Variants in SLC38A10 observed in about 807,000 individuals in gnomAD.
SLC38A10 encodes solute carrier family 38 member 10, also known as Sodium-coupled neutral amino acid transporter 10.
SLC38A10 carries 53 observed loss-of-function variants against 81.0 expected under a neutral mutation model. The observed-to-expected ratio is 0.65, with a 90% CI of 0.53 to 0.82. SLC38A10 has a LOEUF of 0.82. SLC38A10 is among the 40% of genes least tolerant of loss of function. SLC38A10 has a pLI of 0.00. For missense variants in SLC38A10, 1,471 were observed against 1,545.0 expected (o/e 0.95, Z 0.80); for synonymous variants, 665 against 655.3 (o/e 1.01, Z -0.23).
intron 2 of SLC38A10, 200 bp from the exon 3 acceptor site, chr17:81,285,095 G>A (rs2063251748): frequency 4.3e-6 from 2 of 466,542 alleles, no homozygotes; most frequent in Middle Eastern, 3.7e-4. Flanking sequence ...AAGAAACAAA[G>A]ACAGAGCAAG....
At chr17:81,267,959 AGGG>A (rs1201716720) in intron 10 of SLC38A10, among the ~76,000 whole-genome samples, 1 of 151,534 alleles carries the variant, frequency 6.6e-6, no homozygotes, top group Non-Finnish European at 1.5e-5. Context: ...AGCAAGAATG[AGGG>A]CGCTCCAGCA....
rs991540091 is a variant in SLC38A10 at position 81,245,601 on chromosome 17, G to A, written c.3315C>T (p.His1105=). ...CAGGCGCCTGTCTAAGCTGCCGGCT[G>A]TGGACCACCTGCAGAGCTCCCCCCG... The part of the protein sequence containing the change: ...QAAGGALQVV[H]SRQLRQAPGP... Residue 1105 remains histidine (H), a synonymous_variant, in exon 16 of 16, where the codon CAC becomes CAT. Transcript: ENST00000374759. 6 of 1,611,794 alleles carry A rather than the reference G, an allele frequency of 3.7e-6. No homozygotes were observed. In the African/African-American group the frequency reaches 6.7e-5, roughly 18 times the overall value.
intron 2 of SLC38A10, chr17:81,285,515 C>G (rs929636429): frequency 2.0e-5 from 3 of 152,334 alleles, no homozygotes; most frequent in African/African-American, 7.2e-5. Flanking sequence ...ACGGGGCGGC[C>G]GAATGCGGAA....
rs1288628339 is a variant in SLC38A10, at chr17:81,295,248, G to C, written c.-327C>G. ...CTCCGAGCCCAGACCCGGAAGAGCC[G>C]CAGAGCCAGCTAGGGACACCTCAGC... On this transcript the variant is annotated 5_prime_UTR_variant, in exon 1 of 16. Coordinates refer to ENST00000374759, the MANE Select transcript of SLC38A10 (RefSeq NM_001037984.3). 1 of 165,194 alleles carries C rather than the reference G, an allele frequency of 6.1e-6. No individual in the cohort carries two copies. The highest frequency in any genetic ancestry group is 1.3e-5 in the Non-Finnish European group (1 of 76,318). 10.2% of individuals were successfully genotyped at this position (165,194 alleles called of 1,614,324 possible).
chr17:81,250,021 G>C, intron 14 of SLC38A10: 1 of 1,282,740 alleles, frequency 7.8e-7, no homozygotes, highest in Non-Finnish European at 1.0e-6. Flanking sequence ...TCAGGTCTGT[G>C]GCCCGCCAGA....
intron 1 of SLC38A10, among the ~76,000 whole-genome samples, chr17:81,294,014 TTTTTTG>T (rs1567952362): frequency 6.6e-6 from 1 of 151,982 alleles, no homozygotes; most frequent in Non-Finnish European, 1.5e-5. Flanking sequence ...AAATGTGCAG[TTTTTTG>T]TTTTTGTTTT....
chr17:81,285,900 G>A (rs1188867169), intron 2 of SLC38A10, among the ~76,000 whole-genome samples: 1 of 152,148 alleles, frequency 6.6e-6, no homozygotes, highest in Admixed American at 6.5e-5. Flanking sequence ...GTTGCCAAAC[G>A]CCAGAGCCCG....
Position 81,244,931 on chromosome 17 carries a change from C to T in SLC38A10, c.*625G>A, listed in dbSNP as rs2062834882. The T allele has an allele frequency of 6.1e-6, 1 of 164,626 alleles. No individual in the cohort carries two copies. The allele number at this position is 164,626 out of a possible 1,614,324, so 10.2% of individuals were successfully genotyped here. ...GCAAAGGGCGGCACCGGCCAGTGCCCCTGGACACCCGGCTTGTCTGGCCCC... is the reference window on the plus strand; with the variant it reads ...GCAAAGGGCGGCACCGGCCAGTGCCTCTGGACACCCGGCTTGTCTGGCCCC... On this transcript the variant is annotated 3_prime_UTR_variant, in exon 16 of 16. Coordinates refer to ENST00000374759, the MANE Select transcript of SLC38A10 (RefSeq NM_001037984.3).
chr17:81,275,509 G>A lies in SLC38A10; in HGVS notation c.912+460C>T, dbSNP rs955219313. Among the ~76,000 whole-genome samples, 175 of 151,928 alleles carry A rather than the reference G, an allele frequency of 1.2e-3. 2 individuals carry two copies. Among genetic ancestry groups the A allele is most frequent in the Non-Finnish European group, 2.0e-3 (134 of 67,954 alleles). On this transcript the variant is annotated intron_variant, in intron 8 of 15. Transcript: ENST00000374759. ...AGCACTTTGGGAGGCCGAGACGGGCGGATCACGAGGTCAGGAGATCGAGAC... is the reference window on the plus strand; with the variant it reads ...AGCACTTTGGGAGGCCGAGACGGGCAGATCACGAGGTCAGGAGATCGAGAC...
In SLC38A10 at chr17:81,277,183, C is replaced by T. The variant is rs1369970083; in HGVS notation, c.627-50G>A. 2 of 1,550,596 alleles carry T rather than the reference C, an allele frequency of 1.3e-6. No homozygotes were observed. Among genetic ancestry groups the T allele is most frequent in the Non-Finnish European group, 1.8e-6 (2 of 1,125,834 alleles). ...AGCGGACCTGAGAGAGGCACGCCCT[C>T]CCCAGCGGCTCCACTTCTAGGACCT... is the stretch of plus-strand genomic sequence containing the variant. On this transcript the variant is annotated intron_variant, in intron 6 of 15. Transcript: ENST00000374759. This position sits in a 1 kb window ranked among gnomAD's most constrained non-coding sequence, Gnocchi z 4.5.
At position 81,289,613 on chromosome 17, in the gene SLC38A10, G is replaced by A. The variant is rs2063293984; in HGVS notation, c.217+78C>T. ...CAAGGAATTCTTGAAGAATCAAGTA[G>A]AGTAAATAAATAAATAAATAAATGG... is the stretch of plus-strand genomic sequence containing the variant. On this transcript the variant is annotated intron_variant, in intron 2 of 15. Coordinates refer to ENST00000374759, the MANE Select transcript of SLC38A10 (RefSeq NM_001037984.3). This position sits in a 1 kb window ranked among gnomAD's most constrained non-coding sequence, Gnocchi z 5.9. 1 of 951,884 alleles carries A rather than the reference G, an allele frequency of 1.1e-6. No homozygotes were observed. Among genetic ancestry groups the A allele is most frequent in the Non-Finnish European group, 1.5e-6 (1 of 674,212 alleles). 59.0% of individuals were successfully genotyped at this position (951,884 alleles called of 1,614,324 possible).
intron 3 of SLC38A10, among the ~76,000 whole-genome samples, chr17:81,284,399 A>G (rs2063244500): frequency 6.6e-6 from 1 of 152,194 alleles, no homozygotes; most frequent in Admixed American, 6.5e-5. Context: ...TCAAGTTAAG[A>G]GAACAATCAA....
Position 81,246,615 on chromosome 17 carries a change from G to A in SLC38A10, c.2301C>T (p.Gly767=). 1.3e-6 allele frequency: 2 copies of A among 1,515,306 alleles called. No homozygotes were observed. The highest frequency in any genetic ancestry group is 1.8e-6 in the Non-Finnish European group (2 of 1,134,690). 93.9% of individuals were successfully genotyped at this position (1,515,306 alleles called of 1,614,324 possible). A position where few individuals can be genotyped will look rare whatever the true frequency, so the allele number is the denominator to read the frequency against. ...GATTCTCCACCGTCTCCCTGGCCTT[G>A]CCTTCAGGGGCCTCCTGGCCTCTGG... ...AVPRGQEAPE[G]KARETVENLP... The change falls in exon 16 of 16, where the codon GGC becomes GGT. Residue 767 remains glycine (G), a synonymous_variant. Transcript: ENST00000374759.
In SLC38A10 at chr17:81,289,615, G is replaced by GTAAA. The variant is rs989245564; in HGVS notation, c.217+72_217+75dup. 16 of 982,730 alleles carry GTAAA rather than the reference G, an allele frequency of 1.6e-5. No homozygotes were observed. Among genetic ancestry groups the GTAAA allele is most frequent in the East Asian group, 5.8e-5 (2 of 34,224 alleles). The allele number at this position is 982,730 out of a possible 1,614,324, so 60.9% of individuals were successfully genotyped here. The stretch of plus-strand genomic sequence containing the variant: ...AGGAATTCTTGAAGAATCAAGTAGA[G>GTAAA]TAAATAAATAAATAAATAAATGGAA... On this transcript the variant is annotated intron_variant, in intron 2 of 15. Coordinates refer to ENST00000374759, the MANE Select transcript of SLC38A10 (RefSeq NM_001037984.3). The surrounding 1 kb of genome is among the most constrained non-coding windows in gnomAD (Gnocchi z 5.9).
At chr17:81,294,053 G>A (rs891346131) in intron 1 of SLC38A10, among the ~76,000 whole-genome samples, 1 of 152,084 alleles carries the variant, frequency 6.6e-6, no homozygotes, top group Admixed American at 6.5e-5. Context: ...TCCCTCTGTC[G>A]CCCAGGCTGG....
At chr17:81,280,921 C>T (rs941189941) in intron 5 of SLC38A10, among the ~76,000 whole-genome samples, 188 bp from the exon 6 acceptor site, 3 of 151,486 alleles carry the variant, frequency 2.0e-5, no homozygotes, top group Non-Finnish European at 4.4e-5. Context: ...GGAGACCCCG[C>T]GCCTTTCTGG....
At chr17:81,251,788 AT>A (rs1598379896) in intron 13 of SLC38A10, 176 bp from the exon 14 acceptor site, 1 of 671,126 alleles carries the variant, frequency 1.5e-6, no homozygotes, top group Non-Finnish European at 2.2e-6. Context: ...CAATAAAAAA[AT>A]ATTTAACAAC....
intron 9 of SLC38A10, among the ~76,000 whole-genome samples, chr17:81,272,093 C>T (rs1026292574): frequency 1.5e-4 from 23 of 150,632 alleles, no homozygotes; most frequent in Non-Finnish European, 2.5e-4. Context: ...AGTGCAATGG[C>T]GCAATCTTGG....
chr17:81,280,947 C>T (rs148397423), intron 5 of SLC38A10, among the ~76,000 whole-genome samples: 3,400 of 152,330 alleles, frequency 0.022, 60 homozygotes, highest in Non-Finnish European at 0.033. Context: ...CAACCCCTGC[C>T]TCAGAGCACC....
Sources: allele counts gnomAD v4.1 joint callset (sites outside exome capture counted in the v4.1 genomes callset), GRCh38; gene constraint gnomAD v4.1.1; non-coding constraint Gnocchi (gnomAD v3.1); transcripts MANE v1.5; gene names NCBI Gene and HGNC (gene_info 2026-07-23, HGNC 2026-07-21).